The following A2M variants were observed in gnomAD, a reference collection of about 807,000 sequenced individuals.
A2M encodes the protein C3 and PZP-like alpha-2-macroglobulin domain-containing protein 5.
Under a neutral mutation model 183.9 loss-of-function variants are expected in A2M, and 128 were observed. The ratio of observed to expected loss-of-function variants is 0.70; its 90% confidence interval spans 0.60 to 0.81. The LOEUF is 0.81. Among genes scored for constraint, A2M ranks in the 30% least tolerant of loss-of-function variants. The pLI, the probability that A2M is intolerant of heterozygous loss-of-function variation, is 0.00. For missense variants in A2M, 1,495 were observed against 1,787.6 expected, an observed-to-expected ratio of 0.84 and a Z score of 2.95; for synonymous variants, 592 against 670.8, an observed-to-expected ratio of 0.88 and a Z score of 1.81.
intron 22 of A2M, among the ~76,000 whole-genome samples, chr12:9,087,647 A>G (rs1294271883): frequency 6.6e-6 from 1 of 152,096 alleles, no homozygotes; most frequent in African/African-American, 2.4e-5. Context: ...TGCTTAGAGA[A>G]TTTCAAATGT....
chr12:9,092,502 A>G (rs1255377702), intron 18 of A2M, among the ~76,000 whole-genome samples: 1 of 152,084 alleles, frequency 6.6e-6, no homozygotes, highest in Non-Finnish European at 1.5e-5. Context: ...AACAGCCTGC[A>G]TCTGGGAGTG....
chr12:9,069,775 G>A lies in A2M; in HGVS notation c.4233C>T (p.Ser1411=). 1 of 1,612,910 alleles carries A rather than the reference G, an allele frequency of 6.2e-7. No individual in the cohort carries two copies. Among genetic ancestry groups the A allele is most frequent in the Non-Finnish European group, 8.5e-7 (1 of 1,179,358 alleles). The part of the protein sequence containing the change: ...RSNHVSRTEV[S]SNHVLIYLDK... ...CAAGGTAAATCAAGACATGGTTGCT[G>A]CTGACTTCTGTCCGGCTCACATGGT... The change falls in exon 33 of 36, where the codon AGC becomes AGT. Residue 1411 remains serine (S), a synonymous_variant. Transcript: ENST00000318602.
intron 13 of A2M, among the ~76,000 whole-genome samples, chr12:9,100,397 T>C (rs879404821): frequency 9.2e-5 from 14 of 152,128 alleles, no homozygotes; most frequent in Middle Eastern, 3.2e-3. Flanking sequence ...CACAACAATA[T>C]TTTATGTATT....
At chr12:9,109,472 T>G in intron 6 of A2M, 67 bp from the exon 7 acceptor site, 5 of 1,252,328 alleles carry the variant, frequency 4.0e-6, no homozygotes, top group Non-Finnish European at 5.8e-6. Flanking sequence ...TATTTTCAGG[T>G]TCCCTGTAAC....
chr12:9,110,193 G>A, intron 5 of A2M, 121 bp downstream of exon 5: 1 of 1,106,240 alleles, frequency 9.0e-7, no homozygotes, highest in East Asian at 2.5e-5. Context: ...AGCTCTATGG[G>A]AGTTTGAAGG....
chr12:9,081,165 A>G (rs1352810065), intron 22 of A2M, among the ~76,000 whole-genome samples: 2 of 152,240 alleles, frequency 1.3e-5, no homozygotes, highest in African/African-American at 2.4e-5. Flanking sequence ...CAACTGAGTC[A>G]GAAAAAAACT....
In A2M at chr12:9,110,046, A is replaced by G. The variant is rs1426000737; in HGVS notation, c.505-11T>C. On this transcript the variant is annotated splice_polypyrimidine_tract_variant and intron_variant, in intron 5 of 35. Coordinates refer to ENST00000318602, the MANE Select transcript of A2M (RefSeq NM_000014.6). ...ATTTCCTTTGGGATCCTATATGAGT[A>G]AATTAATTATAACTTACAAAAGCAC... The G allele has an allele frequency of 3.1e-6, 5 of 1,597,842 alleles. No homozygotes were observed. The highest frequency in any genetic ancestry group is 1.7e-6 in the Non-Finnish European group (2 of 1,174,166).
At chr12:9,086,028 A>C (rs1949042704) in intron 22 of A2M, among the ~76,000 whole-genome samples, 1 of 152,196 alleles carries the variant, frequency 6.6e-6, no homozygotes, top group Non-Finnish European at 1.5e-5. Context: ...AGAAAAGCCT[A>C]ATAACTGTTG....
chr12:9,077,902 G>C, intron 25 of A2M, 45 bp from the exon 26 acceptor site: 1 of 1,612,778 alleles, frequency 6.2e-7, no homozygotes, highest in Non-Finnish European at 8.5e-7. Flanking sequence ...TGTCAAAATG[G>C]TTTTATAACC....
intron 15 of A2M, 21 bp downstream of exon 15, chr12:9,098,586 C>T (rs763027531): frequency 1.9e-5 from 30 of 1,580,866 alleles, no homozygotes; most frequent in Middle Eastern, 1.9e-4. Flanking sequence ...TTCTTGATTC[C>T]TGAGGCTGCC....
chr12:9,079,706 A>G lies in A2M; in HGVS notation c.2964T>C (p.Asp988=). The change falls in exon 24 of 36, where the codon GAT becomes GAC. Residue 988 remains aspartate (D), a synonymous_variant. Transcript: ENST00000318602. ...VLFAPNIYVL[D]YLNETQQLTP... is the part of the protein sequence containing the mutation. The stretch of plus-strand genomic sequence containing the variant: ...TAAGCTGCTGTGTTTCATTTAGATA[A>G]TCCAGTACATAGATGTTAGGAGCAA... The G allele has an allele frequency of 6.2e-7, 1 of 1,613,738 alleles. No homozygotes were observed. Among genetic ancestry groups the G allele is most frequent in the Non-Finnish European group, 8.5e-7 (1 of 1,179,768 alleles).
Position 9,077,357 on chromosome 12 carries a change from G to A in A2M, c.3340C>T (p.Leu1114Phe). ...GGGGTGGTACCTACAGTGACTGTGA[G>A]AGGAATCTCCAGAAGGGCGATGGTG... ...YITIALLEIP[L>F]TVTHPVVRNA... The change falls in exon 27 of 36, where the codon CTC becomes TTC. Residue 1114 changes from leucine to phenylalanine, a missense_variant. Physicochemically the swap from Leu to Phe is conservative, Grantham distance 22. Transcript: ENST00000318602. 6.2e-7 allele frequency: 1 copy of A among 1,613,350 alleles called. No individual in the cohort carries two copies. The highest frequency in any genetic ancestry group is 2.2e-5 in the East Asian group (1 of 44,876).
chr12:9,110,965 A>T (rs1006303368), intron 4 of A2M, among the ~76,000 whole-genome samples: 1 of 152,166 alleles, frequency 6.6e-6, no homozygotes, highest in African/African-American at 2.4e-5. Context: ...TTGCTATGCA[A>T]TTTTACAGGT....
intron 5 of A2M, 37 bp downstream of exon 5, chr12:9,110,277 G>A: frequency 7.0e-7 from 1 of 1,423,366 alleles, no homozygotes; most frequent in South Asian, 1.3e-5. Flanking sequence ...TATATGTATT[G>A]CTTTCCTTTT....
In A2M at chr12:9,098,661, A is replaced by T. The variant is rs759340331; in HGVS notation, c.1797T>A (p.Ala599=). Residue 599 remains alanine (A), a synonymous_variant, in exon 15 of 36, where the codon GCT becomes GCA. Coordinates refer to ENST00000318602, the MANE Select transcript of A2M (RefSeq NM_000014.6). ...AAPQSVCALR[A]VDQSVLLMKP... ...TCATGAGCAGCACGCTTTGGTCCACAGCACGGAGGGCGCAGACGGACTGAG... is the reference window on the plus strand; with the variant it reads ...TCATGAGCAGCACGCTTTGGTCCACTGCACGGAGGGCGCAGACGGACTGAG... 15 of 1,610,674 alleles carry T rather than the reference A, an allele frequency of 9.3e-6. No homozygotes were observed. Among genetic ancestry groups the T allele is most frequent in the Non-Finnish European group, 1.3e-5 (15 of 1,178,694 alleles).
chr12:9,106,922 T>C (rs1196866092), intron 8 of A2M, among the ~76,000 whole-genome samples: 1 of 152,324 alleles, frequency 6.6e-6, no homozygotes, highest in Non-Finnish European at 1.5e-5. Context: ...ACACGAGATA[T>C]TTTGTTACAT....
At chr12:9,090,769 T>C (rs1041774619) in intron 19 of A2M, among the ~76,000 whole-genome samples, 1 of 152,212 alleles carries the variant, frequency 6.6e-6, no homozygotes, top group Non-Finnish European at 1.5e-5. Context: ...TCTGGAACTT[T>C]GACCATTCCC....
At chr12:9,101,300 G>T in intron 12 of A2M, 93 bp from the exon 13 acceptor site, 2 of 1,378,320 alleles carry the variant, frequency 1.5e-6, no homozygotes, top group Non-Finnish European at 1.0e-6. Flanking sequence ...GTCCCTGCCG[G>T]CAATAATTCA....
At position 9,109,036 on chromosome 12, in the gene A2M, G is replaced by A. The variant is rs759188618; in HGVS notation, c.758+285C>T. Among the ~76,000 whole-genome samples, 10 of 151,564 alleles carry A rather than the reference G, an allele frequency of 6.6e-5. No homozygotes were observed. In the East Asian group the frequency reaches 1.9e-3, roughly 29 times the overall value. ...CAACACTATCCACCCTTCCCATTTT[G>A]TGTGTGTGTGTGTGTGCAGTTTTGT... is the stretch of plus-strand genomic sequence containing the variant. On this transcript the variant is annotated intron_variant, in intron 7 of 35. Transcript: ENST00000318602.
Sources: allele counts gnomAD v4.1 joint callset (sites outside exome capture counted in the v4.1 genomes callset), GRCh38; gene constraint gnomAD v4.1.1; transcripts MANE v1.5; gene names NCBI Gene and HGNC (gene_info 2026-07-23, HGNC 2026-07-21).